SAMD5: variants seen among roughly 807,000 people sequenced by gnomAD.
SAMD5 encodes the protein sterile alpha motif domain containing 5.
In SAMD5, 13 loss-of-function variants were observed where a neutral mutation model predicts 11.3. The observed-to-expected ratio is 1.15, with a 90% CI of 0.75 to 1.83. SAMD5 has a LOEUF of 1.83. Among genes scored for constraint, SAMD5 ranks in the 40% most tolerant of loss-of-function variants. The pLI is 0.00. For missense variants in SAMD5, 255 were observed against 239.1 expected, an observed-to-expected ratio of 1.07 and a Z score of -0.44; for synonymous variants, 129 against 111.3, an observed-to-expected ratio of 1.16 and a Z score of -1.00.
intron 1 of SAMD5, among the ~76,000 whole-genome samples, chr6:147,582,985 T>C (rs1330136550): frequency 6.6e-6 from 1 of 152,228 alleles, no homozygotes; most frequent in African/African-American, 2.4e-5. Flanking sequence ...TGTGTTGGGA[T>C]CTGGGTGGCA....
the SAMD5 span, among the ~76,000 whole-genome samples, chr6:147,798,947 T>G: frequency 4.6e-5 from 7 of 152,352 alleles, no homozygotes; most frequent in East Asian, 1.4e-3. Context: ...CCTTTTATTT[T>G]GAGCCTATGT....
intron 1 of SAMD5, among the ~76,000 whole-genome samples, chr6:147,581,093 A>G (rs79479497): frequency 4.6e-5 from 7 of 152,250 alleles, no homozygotes; most frequent in East Asian, 3.8e-4. Context: ...CTCTGCTTAG[A>G]TAACAGTGTA....
At chr6:147,647,567 T>C (rs1056923058) in intron 1 of SAMD5, among the ~76,000 whole-genome samples, 1 of 152,064 alleles carries the variant, frequency 6.6e-6, no homozygotes, top group African/African-American at 2.4e-5. Context: ...GCTGGATAGA[T>C]GATTATAAGT....
the SAMD5 span, among the ~76,000 whole-genome samples, chr6:147,917,482 G>A: frequency 6.6e-5 from 10 of 152,012 alleles, no homozygotes; most frequent in South Asian, 6.2e-4. Context: ...AGTAGGTTGC[G>A]AAAATTTTCT....
At chr6:147,739,513 G>A (rs376656353), downstream of SAMD5, among the ~76,000 whole-genome samples, 7 of 152,190 alleles carry the variant, frequency 4.6e-5, no homozygotes, top group African/African-American at 1.4e-4. Context: ...TGGGAAGATT[G>A]CCTGAGCCCA....
At chr6:147,866,426 C>T in the SAMD5 span, among the ~76,000 whole-genome samples, 7 of 152,082 alleles carry the variant, frequency 4.6e-5, no homozygotes, top group East Asian at 3.9e-4. Context: ...TAAAAGTGTT[C>T]GCAATGTAAT....
intron 1 of SAMD5, chr6:147,660,691 T>TC (rs1790635891): frequency 2.0e-5 from 3 of 152,364 alleles, no homozygotes; most frequent in East Asian, 3.9e-4. Flanking sequence ...GTGTGGCTCC[T>TC]CCCCCGCCCT....
intron 1 of SAMD5, among the ~76,000 whole-genome samples, chr6:147,554,734 T>A (rs1429036072): frequency 6.6e-6 from 1 of 152,184 alleles, no homozygotes; most frequent in Non-Finnish European, 1.5e-5. Context: ...TGTGGAGCGA[T>A]TGCTAGGATG....
intron 1 of SAMD5, among the ~76,000 whole-genome samples, chr6:147,719,980 A>G (rs1328835037): frequency 1.3e-5 from 2 of 152,218 alleles, no homozygotes; most frequent in African/African-American, 2.4e-5. Flanking sequence ...ACACCTGCCT[A>G]TCTGAGAAAC....
chr6:147,848,795 C>T, the SAMD5 span, among the ~76,000 whole-genome samples: 2 of 152,226 alleles, frequency 1.3e-5, no homozygotes, highest in East Asian at 1.9e-4. Flanking sequence ...AGATCAGCCA[C>T]AGCACTTTAA....
chr6:147,648,264 T>C (rs1256944847), intron 1 of SAMD5, among the ~76,000 whole-genome samples: 1 of 152,176 alleles, frequency 6.6e-6, no homozygotes, highest in Non-Finnish European at 1.5e-5. Flanking sequence ...AGGCATCTTC[T>C]TCACAGGGCG....
chr6:147,898,171 C>T, the SAMD5 span, among the ~76,000 whole-genome samples: 2 of 151,926 alleles, frequency 1.3e-5, no homozygotes, highest in Non-Finnish European at 2.9e-5. Flanking sequence ...AGGACTTGGG[C>T]TTATATGCTA....
chr6:147,543,110 G>A (rs1487973156), intron 1 of SAMD5, among the ~76,000 whole-genome samples: 2 of 152,088 alleles, frequency 1.3e-5, no homozygotes, highest in African/African-American at 4.8e-5. Context: ...TTCTAACCCC[G>A]CTCCCCTATC....
intron 1 of SAMD5, among the ~76,000 whole-genome samples, chr6:147,538,677 T>C (rs1435936499): frequency 2.0e-5 from 3 of 152,192 alleles, no homozygotes. Flanking sequence ...CCAAAGTAGG[T>C]AAATCAAACA....
intron 1 of SAMD5, among the ~76,000 whole-genome samples, chr6:147,583,175 A>G (rs773464399): frequency 6.6e-6 from 1 of 152,246 alleles, no homozygotes; most frequent in Non-Finnish European, 1.5e-5. Flanking sequence ...GAAACTGAGC[A>G]GCTGTTTCTC....
In SAMD5 at chr6:147,569,736, C is replaced by G; in HGVS notation, c.*5280C>G. The G allele has an allele frequency of 2.0e-6, 2 of 985,300 alleles. No individual in the cohort carries two copies. The highest frequency in any genetic ancestry group is 2.4e-6 in the Non-Finnish European group (2 of 829,832). The allele number at this position is 985,300 out of a possible 1,614,324, so 61.0% of individuals were successfully genotyped here. The stretch of plus-strand genomic sequence containing the variant: ...GCCATTATTCATAGAAAATTTCTGC[C>G]CCTACAGAAGTGTGTGCATGGGCCT... On this transcript the variant is annotated 3_prime_UTR_variant, in exon 2 of 2. Transcript: ENST00000367474.
chr6:147,609,818 A>G (rs2128449001), intron 1 of SAMD5, among the ~76,000 whole-genome samples: 1 of 152,124 alleles, frequency 6.6e-6, no homozygotes, highest in East Asian at 1.9e-4. Flanking sequence ...AGCCTCCCAA[A>G]GTGCTGGGAT....
chr6:147,869,846 C>T, the SAMD5 span, among the ~76,000 whole-genome samples: 1 of 151,922 alleles, frequency 6.6e-6, no homozygotes, highest in Non-Finnish European at 1.5e-5. Flanking sequence ...CACAGGTGCT[C>T]ACCACTACAA....
chr6:147,947,278 G>A, the SAMD5 span, among the ~76,000 whole-genome samples: 1 of 152,292 alleles, frequency 6.6e-6, no homozygotes, highest in South Asian at 2.1e-4. Flanking sequence ...GTGCTGTCTT[G>A]TCGAAGACTT....
Sources: allele counts gnomAD v4.1 joint callset (sites outside exome capture counted in the v4.1 genomes callset), GRCh38; gene constraint gnomAD v4.1.1; transcripts MANE v1.5; gene names NCBI Gene and HGNC (gene_info 2026-07-23, HGNC 2026-07-21).